The following WDR70 variants were observed in gnomAD, a reference collection of about 807,000 sequenced individuals.
WDR70 encodes WD repeat domain 70.
In WDR70, 53 loss-of-function variants were observed where a neutral mutation model predicts 88.6. The observed-to-expected ratio is 0.60, with a 90% CI of 0.48 to 0.75. WDR70 has a LOEUF of 0.75. WDR70 is among the 30% of genes least tolerant of loss of function. WDR70 has a pLI of 0.00. For missense variants in WDR70, 610 were observed against 823.2 expected (o/e 0.74, Z 3.17); for synonymous variants, 280 against 270.0 (o/e 1.04, Z -0.36).
intron 6 of WDR70, among the ~76,000 whole-genome samples, chr5:37,440,956 A>G (rs1019937880): frequency 6.6e-6 from 1 of 152,144 alleles, no homozygotes; most frequent in African/African-American, 2.4e-5. Context: ...TAGAGTTTGT[A>G]TTTTGTGCCA....
chr5:37,726,789 G>C, intron 16 of WDR70, 94 bp from the exon 17 acceptor site: 2 of 1,261,064 alleles, frequency 1.6e-6, no homozygotes, highest in Non-Finnish European at 2.1e-6. Flanking sequence ...GTACTCTTGA[G>C]ATTTGTGCTC....
chr5:37,660,879 A>G (rs1223472416), intron 10 of WDR70, among the ~76,000 whole-genome samples: 1 of 152,230 alleles, frequency 6.6e-6, no homozygotes, highest in Non-Finnish European at 1.5e-5. Flanking sequence ...AAATTATAAT[A>G]CAACAATAAA....
At chr5:37,419,292 C>T (rs534553918) in intron 5 of WDR70, among the ~76,000 whole-genome samples, 64 of 150,498 alleles carry the variant, frequency 4.3e-4, no homozygotes, top group African/African-American at 1.4e-3. Context: ...CTGCAACTTC[C>T]GTCCTGGGGT....
At chr5:37,526,481 C>T (rs1741277131) in intron 9 of WDR70, among the ~76,000 whole-genome samples, 1 of 152,152 alleles carries the variant, frequency 6.6e-6, no homozygotes, top group South Asian at 2.1e-4. Context: ...TGGGACATAT[C>T]TCTAAATAAT....
intron 10 of WDR70, 36 bp from the exon 11 acceptor site, chr5:37,697,619 G>A (rs1037025074): frequency 1.3e-6 from 2 of 1,547,944 alleles, no homozygotes; most frequent in Non-Finnish European, 1.8e-6. Context: ...CTGAATTGAG[G>A]TGAGATATTA....
At chr5:37,669,403 A>ATT (rs1229043263) in intron 10 of WDR70, among the ~76,000 whole-genome samples, 16 of 148,770 alleles carry the variant, frequency 1.1e-4, no homozygotes, top group South Asian at 4.4e-4. Flanking sequence ...TTTTTTTTAA[A>ATT]AAAAAAAAAA....
intron 10 of WDR70, among the ~76,000 whole-genome samples, chr5:37,652,515 A>G (rs906535610): frequency 2.0e-5 from 3 of 152,334 alleles, no homozygotes; most frequent in East Asian, 1.9e-4. Flanking sequence ...CATTGAATCT[A>G]TAAATTACCT....
chr5:37,446,548 G>A (rs530953375), intron 7 of WDR70, among the ~76,000 whole-genome samples: 1 of 152,244 alleles, frequency 6.6e-6, no homozygotes, highest in African/African-American at 2.4e-5. Context: ...TATACTACAA[G>A]GCTACAGGAA....
chr5:37,505,464 T>G (rs1740531911), intron 8 of WDR70, among the ~76,000 whole-genome samples: 2 of 152,144 alleles, frequency 1.3e-5, no homozygotes, highest in African/African-American at 2.4e-5. Context: ...CAATATCTAG[T>G]TTCCGTATAC....
intron 13 of WDR70, among the ~76,000 whole-genome samples, chr5:37,707,109 G>A (rs1230606824): frequency 1.3e-5 from 2 of 152,092 alleles, no homozygotes; most frequent in Admixed American, 1.3e-4. Context: ...AATATTATTA[G>A]CTTGGTAGTT....
chr5:37,441,879 T>G (rs1381585993), intron 6 of WDR70, among the ~76,000 whole-genome samples: 1 of 152,130 alleles, frequency 6.6e-6, no homozygotes, highest in Non-Finnish European at 1.5e-5. Context: ...AGTAATCGCA[T>G]TAAATATTCC....
intron 13 of WDR70, among the ~76,000 whole-genome samples, chr5:37,715,181 G>A (rs773851205): frequency 6.6e-6 from 1 of 152,062 alleles, no homozygotes; most frequent in Non-Finnish European, 1.5e-5. Flanking sequence ...TGTATGACAG[G>A]TGCAAAGCAA....
At chr5:37,546,780 G>A (rs576444738) in intron 9 of WDR70, among the ~76,000 whole-genome samples, 26 of 152,122 alleles carry the variant, frequency 1.7e-4, no homozygotes, top group African/African-American at 4.3e-4. Flanking sequence ...TTAGCCAGGC[G>A]TGGTGGCACA....
At chr5:37,531,281 T>C (rs902550311) in intron 9 of WDR70, among the ~76,000 whole-genome samples, 1 of 152,162 alleles carries the variant, frequency 6.6e-6, no homozygotes, top group Non-Finnish European at 1.5e-5. Context: ...TTGGGTAGAA[T>C]GTTCTGTAAA....
intron 4 of WDR70, among the ~76,000 whole-genome samples, chr5:37,393,538 G>C (rs564314120): frequency 2.0e-5 from 3 of 151,692 alleles, no homozygotes; most frequent in Admixed American, 2.0e-4. Context: ...TTTGTTTTCC[G>C]TAGGTTCTGA....
At chr5:37,733,128 A>T (rs1748199613) in intron 17 of WDR70, among the ~76,000 whole-genome samples, 1 of 152,048 alleles carries the variant, frequency 6.6e-6, no homozygotes, top group South Asian at 2.1e-4. Context: ...TTCTACAGAG[A>T]CTCCAGGGGA....
intron 10 of WDR70, among the ~76,000 whole-genome samples, chr5:37,612,880 T>G (rs1744225970): frequency 6.6e-6 from 1 of 152,212 alleles, no homozygotes; most frequent in South Asian, 2.1e-4. Context: ...ATATGAACTA[T>G]TCTATAGTGC....
At chr5:37,469,774 G>A (rs1176097600) in intron 7 of WDR70, among the ~76,000 whole-genome samples, 1 of 152,128 alleles carries the variant, frequency 6.6e-6, no homozygotes, top group East Asian at 1.9e-4. Flanking sequence ...TTAGTATTCT[G>A]TGTGACCCCA....
chr5:37,750,487 T>C (rs1228582697), intron 17 of WDR70, among the ~76,000 whole-genome samples: 2 of 152,180 alleles, frequency 1.3e-5, no homozygotes, highest in Admixed American at 6.5e-5. Context: ...TGAGCTATGA[T>C]TGTGCCACTG....
Sources: allele counts gnomAD v4.1 joint callset (sites outside exome capture counted in the v4.1 genomes callset), GRCh38; gene constraint gnomAD v4.1.1; transcripts MANE v1.5; gene names NCBI Gene and HGNC (gene_info 2026-07-23, HGNC 2026-07-21).